ZZEF1: variants seen among roughly 807,000 people sequenced by gnomAD.
ZZEF1 encodes the protein zinc finger ZZ-type and EF-hand domain containing 1.
ZZEF1 carries 157 observed loss-of-function variants against 342.8 expected under a neutral mutation model. That is an observed-to-expected ratio of 0.46 (90% CI 0.40 to 0.52). The LOEUF (loss-of-function observed/expected upper bound fraction) is 0.52. ZZEF1 is among the 20% of genes least tolerant of loss of function. The probability of loss-of-function intolerance (pLI) is 0.00; values close to 1 mark genes in which losing one functional copy is unlikely to be tolerated. For synonymous variants in ZZEF1, 1,505 were observed against 1,429.1 expected (o/e 1.05, Z -1.20); for missense variants, 3,480 against 3,725.6 (o/e 0.93, Z 1.72).
At chr17:4,013,666 ATAT>A in intron 51 of ZZEF1, 52 bp from the exon 52 acceptor site, 4 of 1,491,912 alleles carry the variant, frequency 2.7e-6, no homozygotes, top group South Asian at 1.4e-5. Flanking sequence ...GTAATAAGTA[ATAT>A]TATTATTAAA....
intron 4 of ZZEF1, 84 bp from the exon 5 acceptor site, chr17:4,112,892 T>G: frequency 8.4e-7 from 1 of 1,189,302 alleles, no homozygotes; most frequent in South Asian, 1.7e-5. Context: ...TCAAAGAGCT[T>G]ACATTTGATA....
chr17:4,082,684 C>A (rs1317714969), intron 16 of ZZEF1, among the ~76,000 whole-genome samples, 180 bp from the exon 17 acceptor site: 3 of 152,134 alleles, frequency 2.0e-5, no homozygotes, highest in African/African-American at 7.2e-5. Context: ...GCAGAACCAA[C>A]CATCTAAATA....
chr17:4,033,760 C>T (rs2056600587), intron 40 of ZZEF1: 7 of 515,976 alleles, frequency 1.4e-5, no homozygotes, highest in South Asian at 1.3e-4. Context: ...TCATTAAAAA[C>T]AGAATATGCC....
At chr17:4,117,793 C>A (rs1023640717) in intron 2 of ZZEF1, among the ~76,000 whole-genome samples, 22 of 151,814 alleles carry the variant, frequency 1.4e-4, no homozygotes, top group Admixed American at 1.4e-3. Context: ...GGAAGTCTTG[C>A]GTATAGAATA....
chr17:4,074,639 C>A (rs2057573936), intron 23 of ZZEF1, among the ~76,000 whole-genome samples: 1 of 152,196 alleles, frequency 6.6e-6, no homozygotes, highest in Non-Finnish European at 1.5e-5. Flanking sequence ...CATGCCTCTG[C>A]TCCTGCCAAG....
At chr17:4,044,400 T>C (rs773837459) in intron 37 of ZZEF1, 26 bp from the exon 38 acceptor site, 1 of 1,586,494 alleles carries the variant, frequency 6.3e-7, no homozygotes. Context: ...TGTAAAAGAA[T>C]TAAGGTTTCT....
chr17:4,049,915 C>T, intron 36 of ZZEF1, 56 bp from the exon 37 acceptor site: 1 of 1,581,438 alleles, frequency 6.3e-7, no homozygotes, highest in Non-Finnish European at 8.6e-7. Context: ...GAGTTCTTTT[C>T]AGCAAGTGCC....
chr17:4,055,046 A>G (rs1000003314), intron 33 of ZZEF1, among the ~76,000 whole-genome samples: 1 of 152,200 alleles, frequency 6.6e-6, no homozygotes. Context: ...CAAAAGGAGT[A>G]CTGTCCCTGG....
rs1212242636 is a variant in ZZEF1 at position 4,102,410 on chromosome 17, G to T, written c.1579C>A (p.Pro527Thr). Reference sequence around the variant, plus strand: ...CATGCCTGAAGAGTCAACTGGAGAGGTTTACCTGACCAAAGAAAAGGAAGA... The same window carrying T: ...CATGCCTGAAGAGTCAACTGGAGAGTTTTACCTGACCAAAGAAAAGGAAGA... ...RQNLLLKYGK[P>T]LQLTLQACDV... Residue 527 changes from proline (P) to threonine (T), a missense_variant, in exon 9 of 55, where the codon CCT (proline) becomes ACT (threonine). By Grantham distance (38) the Pro-to-Thr change is conservative. Transcript: ENST00000381638. 4.3e-6 allele frequency: 7 copies of T among 1,613,214 alleles called. No individual in the cohort carries two copies. The highest frequency in any genetic ancestry group is 5.9e-6 in the Non-Finnish European group (7 of 1,179,500).
intron 2 of ZZEF1, among the ~76,000 whole-genome samples, chr17:4,123,310 T>TATATATATATATATAA (rs56657404): frequency 9.5e-6 from 1 of 104,912 alleles, no homozygotes; most frequent in Non-Finnish European, 2.0e-5. Flanking sequence ...TATATATATA[T>TATATATATATATATAA]CAGAAAAATA....
At chr17:4,051,078 C>T in intron 35 of ZZEF1, 35 bp from the exon 36 acceptor site, 5 of 1,613,760 alleles carry the variant, frequency 3.1e-6, no homozygotes, top group Non-Finnish European at 3.4e-6. Context: ...GCTTACAACC[C>T]TCCAAAAGCT....
intron 23 of ZZEF1, 137 bp downstream of exon 23, chr17:4,074,960 A>T: frequency 1.1e-6 from 1 of 918,986 alleles, no homozygotes; most frequent in Non-Finnish European, 1.7e-6. Context: ...TCAAACTCTG[A>T]TATAAATCCT....
chr17:4,105,778 G>A lies in ZZEF1; in HGVS notation c.1309C>T (p.Leu437Phe). The A allele has an allele frequency of 5.0e-6, 8 of 1,613,330 alleles. No individual in the cohort carries two copies. Among genetic ancestry groups the A allele is most frequent in the Non-Finnish European group, 6.8e-6 (8 of 1,179,706 alleles). Residue 437 changes from leucine (L) to phenylalanine (F), a missense_variant, in exon 7 of 55, where the codon CTC becomes TTC. Coordinates refer to ENST00000381638, the MANE Select transcript of ZZEF1 (RefSeq NM_015113.4). ...GAGAAATCTGTAGATCCTGGTGAGA[G>A]AGAGAGTGGAGGCATGTGCCGCAGC... ...KALRHMPPLS[L>F]SPGSTDFSTF...
intron 4 of ZZEF1, among the ~76,000 whole-genome samples, chr17:4,113,758 C>T (rs1017684172): frequency 1.3e-4 from 19 of 151,826 alleles, no homozygotes; most frequent in African/African-American, 4.4e-4. Context: ...AGGATTAAGG[C>T]TAGGAGTTTG....
At chr17:4,061,640 A>C (rs746733480) in intron 30 of ZZEF1, among the ~76,000 whole-genome samples, 12 of 152,026 alleles carry the variant, frequency 7.9e-5, no homozygotes, top group Non-Finnish European at 1.5e-4. Context: ...TGTTTCTTCC[A>C]TACTCTTTCC....
rs2058202969 is a variant in ZZEF1, at chr17:4,105,824, T to C, written c.1278-15A>G. On this transcript the variant is annotated splice_polypyrimidine_tract_variant and intron_variant, in intron 6 of 54. Coordinates refer to ENST00000381638, the MANE Select transcript of ZZEF1 (RefSeq NM_015113.4). ...GCAGCGCCTTCCTAGAAGAGGAAAA[T>C]GTAAAATGTAATCAGAACAAAACCA... is the stretch of plus-strand genomic sequence containing the variant. The C allele has an allele frequency of 1.3e-6, 2 of 1,586,366 alleles. No individual in the cohort carries two copies. The highest frequency in any genetic ancestry group is 1.9e-5 in the Admixed American group (1 of 52,036).
intron 3 of ZZEF1, among the ~76,000 whole-genome samples, chr17:4,116,452 C>A (rs561881899): frequency 1.3e-5 from 2 of 152,232 alleles, no homozygotes. Context: ...ATATCGGCGT[C>A]TATGCCTGGG....
At chr17:4,022,497 T>G (rs968027713) in intron 44 of ZZEF1, 1 of 556,114 alleles carries the variant, frequency 1.8e-6, no homozygotes, top group African/African-American at 1.9e-5. Flanking sequence ...CACTGTTCTT[T>G]GAACAAACAT....
At chr17:4,082,695 C>A (rs1235747024) in intron 16 of ZZEF1, among the ~76,000 whole-genome samples, 191 bp from the exon 17 acceptor site, 1 of 152,150 alleles carries the variant, frequency 6.6e-6, no homozygotes, top group Non-Finnish European at 1.5e-5. Flanking sequence ...CATCTAAATA[C>A]AAGGTGGTAG....
Sources: gnomAD v4.1 joint callset for allele counts (sites outside exome capture counted in the v4.1 genomes callset) on GRCh38, gnomAD v4.1.1 for gene constraint, MANE v1.5 for transcripts, NCBI Gene and HGNC (gene_info 2026-07-23, HGNC 2026-07-21) for gene names.